The following SHISAL1 variants were observed in gnomAD, a reference collection of about 807,000 sequenced individuals.
The protein encoded by SHISAL1 is protein shisa-like-1.
In SHISAL1, 9 loss-of-function variants were observed where a neutral mutation model predicts 22.6. The ratio of observed to expected loss-of-function variants is 0.40; its 90% confidence interval spans 0.24 to 0.70. SHISAL1 has a LOEUF of 0.70. SHISAL1 is among the 30% of genes least tolerant of loss of function. SHISAL1 has a pLI of 0.39. For synonymous variants in SHISAL1, 119 were observed against 115.4 expected, an observed-to-expected ratio of 1.03 and a Z score of -0.20; for missense variants, 246 against 270.6, an observed-to-expected ratio of 0.91 and a Z score of 0.64.
At chr22:44,251,503 C>G (rs1364695261) in intron 4 of SHISAL1, among the ~76,000 whole-genome samples, 1 of 152,108 alleles carries the variant, frequency 6.6e-6, no homozygotes. Context: ...CTGTATTAGT[C>G]CATTTTCACG....
intron 4 of SHISAL1, among the ~76,000 whole-genome samples, chr22:44,273,626 T>G (rs149484866): frequency 6.6e-6 from 1 of 152,318 alleles, no homozygotes; most frequent in East Asian, 1.9e-4. Flanking sequence ...TTAATGCAAA[T>G]TAGGAAAAAT....
chr22:44,261,098 T>TATATATATATATATATATATATACAC (rs1459696750), intron 4 of SHISAL1, among the ~76,000 whole-genome samples: 4 of 130,280 alleles, frequency 3.1e-5, no homozygotes, highest in African/African-American at 1.4e-4. Context: ...TATATATATA[T>TATATATATATATATATATATATACAC]ACACTATATG....
At chr22:44,281,615 G>C (rs1314866871) in intron 4 of SHISAL1, among the ~76,000 whole-genome samples, 2 of 152,188 alleles carry the variant, frequency 1.3e-5, no homozygotes, top group African/African-American at 4.8e-5. Flanking sequence ...AAGGCACTTT[G>C]TCGCAGGTGC....
At chr22:44,253,469 C>A (rs1406618101) in intron 4 of SHISAL1, among the ~76,000 whole-genome samples, 1 of 148,442 alleles carries the variant, frequency 6.7e-6, no homozygotes, top group Admixed American at 6.8e-5. Context: ...CACTCTGTCG[C>A]CCAGGCTGGA....
rs117188538 is a variant in SHISAL1 at position 44,291,476 on chromosome 22, C to T, written c.281+5196G>A. Among the ~76,000 whole-genome samples the T allele has an allele frequency of 5.0e-3, 754 of 152,254 alleles. 14 individuals are homozygous for T. In the East Asian group the frequency reaches 0.055, roughly 11 times the overall value. ...CTAGTGGAAGGTCCTTCATAGATAA[C>T]AGATGGAGGGTGTCAGCATGAGTCA... is the stretch of plus-strand genomic sequence containing the variant. On this transcript the variant is annotated intron_variant, in intron 3 of 4. Transcript: ENST00000381176.
chr22:44,246,521 T>C lies in SHISAL1; in HGVS notation c.*3164A>G, dbSNP rs1382033523. ...ACTCGTCACTACCCTGCATCCATCT[T>C]GTTCTCAGGGACAGTCTACTCCTTG... On this transcript the variant is annotated 3_prime_UTR_variant, in exon 5 of 5. Coordinates refer to ENST00000381176, the MANE Select transcript of SHISAL1 (RefSeq NM_001099294.2). The C allele has an allele frequency of 2.0e-5, 3 of 152,210 alleles. No homozygotes were observed. Among genetic ancestry groups the C allele is most frequent in the African/African-American group, 7.2e-5 (3 of 41,428 alleles). The allele number at this position is 152,210 out of a possible 1,614,324, so 9.4% of individuals were successfully genotyped here.
At chr22:44,250,789 C>T (rs1455898772) in intron 4 of SHISAL1, among the ~76,000 whole-genome samples, 3 of 152,222 alleles carry the variant, frequency 2.0e-5, no homozygotes, top group African/African-American at 4.8e-5. Context: ...CCCTTCATAC[C>T]ATTGCAGTTG....
intron 3 of SHISAL1, among the ~76,000 whole-genome samples, chr22:44,290,529 C>CAAAAAAAAAAAAAAAAA (rs546640216): frequency 7.1e-5 from 6 of 84,304 alleles, no homozygotes; most frequent in Admixed American, 1.2e-4. Flanking sequence ...AACTCAGTCT[C>CAAAAAAAAAAAAAAAAA]AAAAAAAAAA....
the SHISAL1 span, among the ~76,000 whole-genome samples, chr22:44,322,104 C>T: frequency 6.6e-6 from 1 of 152,220 alleles, no homozygotes; most frequent in South Asian, 2.1e-4. Context: ...GCCACCAGGT[C>T]CAAATCCTGG....
At chr22:44,302,001 G>A (rs573780279) in intron 1 of SHISAL1, among the ~76,000 whole-genome samples, 30 of 152,172 alleles carry the variant, frequency 2.0e-4, no homozygotes, top group Admixed American at 1.4e-3. Context: ...GGGGAGGGTC[G>A]CACAACACTG....
At chr22:44,309,676 T>G (rs1054184124) in intron 1 of SHISAL1, among the ~76,000 whole-genome samples, 9 of 152,196 alleles carry the variant, frequency 5.9e-5, no homozygotes, top group Non-Finnish European at 1.3e-4. Context: ...CATGCCTGTC[T>G]CCACACAGCA....
At chr22:44,262,724 AGTGGCCCTG>A (rs2055133524) in intron 4 of SHISAL1, among the ~76,000 whole-genome samples, 1 of 152,198 alleles carries the variant, frequency 6.6e-6, no homozygotes, top group African/African-American at 2.4e-5. Context: ...TGCTGGCCCT[AGTGGCCCTG>A]GCGAGAGAGG....
At position 44,248,296 on chromosome 22, in the gene SHISAL1, T is replaced by C. The variant is rs2055020738; in HGVS notation, c.*1389A>G. On this transcript the variant is annotated 3_prime_UTR_variant, in exon 5 of 5. Transcript: ENST00000381176. ...GGTCTGATGAAATGAGGAAACTGCG[T>C]CAGAGGACACACACATTGATCAAGC... 1 of 145,750 alleles carries C rather than the reference T, an allele frequency of 6.9e-6. No homozygotes were observed. Among genetic ancestry groups the C allele is most frequent in the Admixed American group, 6.6e-5 (1 of 15,038 alleles). The allele number at this position is 145,750 out of a possible 1,614,324, so 9.0% of individuals were successfully genotyped here.
chr22:44,250,228 G>A (rs923836012), intron 4 of SHISAL1, among the ~76,000 whole-genome samples: 1 of 152,120 alleles, frequency 6.6e-6, no homozygotes, highest in African/African-American at 2.4e-5. Flanking sequence ...AAATTATATG[G>A]TCACCATTGC....
chr22:44,266,416 T>TG (rs11440763), intron 4 of SHISAL1, among the ~76,000 whole-genome samples: 7,693 of 109,232 alleles, frequency 0.07, 930 homozygotes, highest in African/African-American at 0.25. Context: ...TGTTGTTTGT[T>TG]GGGGGGCTGT....
intron 4 of SHISAL1, among the ~76,000 whole-genome samples, chr22:44,265,714 A>G (rs1389669284): frequency 1.3e-5 from 2 of 152,198 alleles, no homozygotes; most frequent in Non-Finnish European, 2.9e-5. Context: ...TGGGAGAGGG[A>G]GGATCTTGCA....
chr22:44,293,042 C>G (rs2147296356), intron 3 of SHISAL1, among the ~76,000 whole-genome samples: 1 of 152,344 alleles, frequency 6.6e-6, no homozygotes, highest in South Asian at 2.1e-4. Flanking sequence ...GCCCCGGACC[C>G]CCTGCCTCCA....
At chr22:44,284,739 C>A (rs950838032) in intron 4 of SHISAL1, among the ~76,000 whole-genome samples, 12 of 152,196 alleles carry the variant, frequency 7.9e-5, no homozygotes, top group African/African-American at 2.9e-4. Flanking sequence ...CTAGATGCTG[C>A]ACTACCCAGG....
intron 4 of SHISAL1, among the ~76,000 whole-genome samples, chr22:44,260,068 A>AGACTACCC (rs2055111314): frequency 1.3e-5 from 2 of 152,076 alleles, no homozygotes; most frequent in South Asian, 4.1e-4. Flanking sequence ...GGCGCCCTCC[A>AGACTACCC]GACTACCCGA....
Sources: gnomAD v4.1 joint callset for allele counts (sites outside exome capture counted in the v4.1 genomes callset) on GRCh38, gnomAD v4.1.1 for gene constraint, MANE v1.5 for transcripts, NCBI Gene and HGNC (gene_info 2026-07-23, HGNC 2026-07-21) for gene names.